The following CCNT2 variants were observed in gnomAD, a reference collection of about 807,000 sequenced individuals.
CCNT2 encodes cyclin T2, also known as cyclin-T2.
In CCNT2, 18 loss-of-function variants were observed where a neutral mutation model predicts 70.0. The observed-to-expected ratio is 0.26, with a 90% CI of 0.18 to 0.38. The LOEUF (loss-of-function observed/expected upper bound fraction) is 0.38, where lower values mean the gene tolerates loss of function less well. CCNT2 is among the 10% of genes least tolerant of loss of function. CCNT2 has a pLI of 1.00. For synonymous variants in CCNT2, 334 were observed against 313.3 expected, an observed-to-expected ratio of 1.07 and a Z score of -0.70; for missense variants, 734 against 890.2, an observed-to-expected ratio of 0.82 and a Z score of 2.23.
At position 134,931,262 on chromosome 2, in the gene CCNT2, C is replaced by CTTTTTT. The variant is rs112471982; in HGVS notation, c.241-5559_241-5554dup. Among the ~76,000 whole-genome samples the CTTTTTT allele has an allele frequency of 2.1e-3, 88 of 42,416 alleles. 11 individuals carry two copies. The highest frequency in any genetic ancestry group is 5.4e-3 in the African/African-American group (69 of 12,676). 27.8% of individuals were successfully genotyped at this position (42,416 alleles called of 152,430 possible). A position where few individuals can be genotyped will look rare whatever the true frequency, so the allele number is the denominator to read the frequency against. On this transcript the variant is annotated intron_variant, in intron 2 of 8. Coordinates refer to ENST00000264157, the MANE Select transcript of CCNT2 (RefSeq NM_058241.3). ...CAGGCATAAGCCACCATGCCCGGAT[C>CTTTTTT]TTTTTTTTTTTTTTTTTTTTTTTTT...
chr2:134,920,014 T>C (rs1490850242), intron 2 of CCNT2, 123 bp downstream of exon 2: 1 of 605,932 alleles, frequency 1.7e-6, no homozygotes, highest in Admixed American at 3.3e-5. Flanking sequence ...GTATATCACG[T>C]GATAAATATT....
chr2:134,930,062 G>A (rs765651022), intron 2 of CCNT2, among the ~76,000 whole-genome samples: 1 of 151,846 alleles, frequency 6.6e-6, no homozygotes. Context: ...TGGCTCACAC[G>A]AAGTTGTACA....
At chr2:134,920,205 G>A (rs1018811037) in intron 2 of CCNT2, 14 of 200,946 alleles carry the variant, frequency 7.0e-5, no homozygotes, top group Non-Finnish European at 1.0e-4. Flanking sequence ...TTTCAGTAGT[G>A]ATGTACAGTG....
intron 2 of CCNT2, among the ~76,000 whole-genome samples, chr2:134,932,586 T>G (rs906789026): frequency 8.5e-5 from 13 of 152,254 alleles, no homozygotes; most frequent in African/African-American, 1.4e-4. Flanking sequence ...TGCTTTCATG[T>G]CAGTCTTTCA....
chr2:134,938,350 A>G (rs944166131), intron 3 of CCNT2, among the ~76,000 whole-genome samples: 1 of 152,168 alleles, frequency 6.6e-6, no homozygotes, highest in African/African-American at 2.4e-5. Flanking sequence ...TTTCCTTATC[A>G]CTTTGGTCAA....
At chr2:134,928,463 A>G (rs1282052847) in intron 2 of CCNT2, among the ~76,000 whole-genome samples, 2 of 151,386 alleles carry the variant, frequency 1.3e-5, no homozygotes, top group Non-Finnish European at 2.9e-5. Flanking sequence ...TTTTTAGTAG[A>G]GCCAGGTTTT....
At chr2:134,942,172 G>A (rs891170818) in intron 4 of CCNT2, among the ~76,000 whole-genome samples, 17 of 150,882 alleles carry the variant, frequency 1.1e-4, no homozygotes, top group African/African-American at 3.7e-4. Flanking sequence ...CTAGAGTGCC[G>A]TATCATTTAA....
At chr2:134,936,540 G>A (rs1171541789) in intron 2 of CCNT2, among the ~76,000 whole-genome samples, 1 of 152,034 alleles carries the variant, frequency 6.6e-6, no homozygotes, top group Non-Finnish European at 1.5e-5. Context: ...GATCACCTGA[G>A]CTCAAGAGTT....
chr2:134,948,183 G>T (rs566317323), intron 7 of CCNT2, among the ~76,000 whole-genome samples: 2 of 152,140 alleles, frequency 1.3e-5, no homozygotes, highest in East Asian at 1.9e-4. Context: ...ACTGGGTGTG[G>T]TGGTGCGTGC....
At chr2:134,926,410 C>A (rs1239008458) in intron 2 of CCNT2, among the ~76,000 whole-genome samples, 2 of 152,118 alleles carry the variant, frequency 1.3e-5, no homozygotes, top group South Asian at 4.1e-4. Flanking sequence ...TTCTCTTTTC[C>A]CTTCTTCCTA....
rs1219638245 is a variant in CCNT2 at position 134,958,618 on chromosome 2, A to C, written c.*3970A>C. The C allele has an allele frequency of 6.6e-6, 1 of 152,264 alleles. No individual in the cohort carries two copies. The highest frequency in any genetic ancestry group is 1.5e-5 in the Non-Finnish European group (1 of 68,048). The allele number at this position is 152,264 out of a possible 1,614,324, so 9.4% of individuals were successfully genotyped here. ...ACGTTAATATCAGAAATCAGTGAGC[A>C]ACCTAATTGCTGTAAGCTGACATAC... On this transcript the variant is annotated 3_prime_UTR_variant, in exon 9 of 9. Coordinates refer to ENST00000264157, the MANE Select transcript of CCNT2 (RefSeq NM_058241.3).
Position 134,953,890 on chromosome 2 carries a change from A to C in CCNT2, c.1435A>C (p.Thr479Pro), listed in dbSNP as rs1463441031. ...QSQAASSSSV[T>P]SPIKMKIPIA... is the part of the protein sequence containing the mutation. ...ACAGGCAGCCAGCAGCAGTTCTGTT[A>C]CTTCTCCCATTAAAATGAAAATACC... The change falls in exon 9 of 9, where the codon ACT (threonine) becomes CCT (proline). Residue 479 changes from threonine to proline, a missense_variant. Around this residue, in one of 3 missense-constraint regions of CCNT2, gnomAD observed 532 missense variants for 556.9 expected, o/e 0.96. Coordinates refer to ENST00000264157, the MANE Select transcript of CCNT2 (RefSeq NM_058241.3). 1 of 1,613,916 alleles carries C rather than the reference A, an allele frequency of 6.2e-7. No individual in the cohort carries two copies. The highest frequency in any genetic ancestry group is 1.3e-5 in the African/African-American group (1 of 74,902).
intron 5 of CCNT2, 25 bp downstream of exon 5, chr2:134,942,699 GA>G (rs766222306): frequency 6.3e-7 from 1 of 1,586,224 alleles, no homozygotes; most frequent in East Asian, 2.2e-5. Context: ...AAACTTTTAA[GA>G]TAAGTATTAA....
At chr2:134,928,506 G>A (rs1000192241) in intron 2 of CCNT2, among the ~76,000 whole-genome samples, 5 of 151,562 alleles carry the variant, frequency 3.3e-5, no homozygotes, top group African/African-American at 1.2e-4. Context: ...TAGAACTCCC[G>A]ACCTCAGGTG....
chr2:134,939,124 T>A, intron 4 of CCNT2, 62 bp downstream of exon 4: 1 of 1,094,274 alleles, frequency 9.1e-7, no homozygotes, highest in Non-Finnish European at 1.4e-6. Flanking sequence ...TCTAAATAAG[T>A]GAAAAGATTT....
At chr2:134,924,081 T>C (rs150850836) in intron 2 of CCNT2, among the ~76,000 whole-genome samples, 196 of 152,330 alleles carry the variant, frequency 1.3e-3, no homozygotes, top group African/African-American at 4.1e-3. Context: ...TGCTTTCATG[T>C]GACTGTGCTC....
intron 3 of CCNT2, among the ~76,000 whole-genome samples, chr2:134,937,869 G>A (rs1681278610): frequency 6.6e-6 from 1 of 152,134 alleles, no homozygotes; most frequent in Non-Finnish European, 1.5e-5. Flanking sequence ...AGCTGAGATC[G>A]TGCCATTGCA....
At chr2:134,932,141 T>C (rs1573803039) in intron 2 of CCNT2, among the ~76,000 whole-genome samples, 1 of 151,734 alleles carries the variant, frequency 6.6e-6, no homozygotes, top group South Asian at 2.1e-4. Context: ...TGTGCCACCA[T>C]ACCTGGCTAA....
chr2:134,944,686 C>T, intron 5 of CCNT2: 1 of 983,114 alleles, frequency 1.0e-6, no homozygotes, highest in Non-Finnish European at 1.2e-6. Flanking sequence ...TTTTGTCTGA[C>T]TAACATTTCA....
Sources: allele counts gnomAD v4.1 joint callset (sites outside exome capture counted in the v4.1 genomes callset), GRCh38; gene constraint gnomAD v4.1.1; regional missense constraint gnomAD v4.1.1; transcripts MANE v1.5; gene names NCBI Gene and HGNC (gene_info 2026-07-23, HGNC 2026-07-21).